Variants in NBEA observed in about 807,000 individuals in gnomAD.
NBEA encodes the protein neurobeachin, also known as lysosomal-trafficking regulator 2.
Under a neutral mutation model 343.4 loss-of-function variants are expected in NBEA, and 44 were observed. The observed-to-expected ratio is 0.13, with a 90% CI of 0.10 to 0.16. The LOEUF (loss-of-function observed/expected upper bound fraction) is 0.16. NBEA is among the 10% of genes least tolerant of loss of function. NBEA has a pLI of 1.00. For missense variants in NBEA, 2,555 were observed against 3,631.3 expected (o/e 0.70, Z 7.62); for synonymous variants, 1,175 against 1,238.7 (o/e 0.95, Z 1.08).
At chr13:35,383,044 G>T (rs1454700966) in intron 38 of NBEA, among the ~76,000 whole-genome samples, 2 of 152,030 alleles carry the variant, frequency 1.3e-5, no homozygotes, top group Non-Finnish European at 2.9e-5. Flanking sequence ...ATTAATACTG[G>T]CCAGATACAC....
At chr13:35,287,923 A>C (rs2035541550) in intron 34 of NBEA, among the ~76,000 whole-genome samples, 2 of 152,048 alleles carry the variant, frequency 1.3e-5, no homozygotes, top group African/African-American at 4.8e-5. Flanking sequence ...GAGTCAGCAT[A>C]TATGTAAGTT....
At chr13:34,976,615 G>A (rs543970395) in intron 1 of NBEA, among the ~76,000 whole-genome samples, 9 of 151,108 alleles carry the variant, frequency 6.0e-5, no homozygotes, top group African/African-American at 2.2e-4. Flanking sequence ...GACTTTCTAA[G>A]GATTGGATAG....
chr13:34,991,342 C>T (rs1378164329), intron 1 of NBEA, among the ~76,000 whole-genome samples: 1 of 152,128 alleles, frequency 6.6e-6, no homozygotes. Context: ...TGATTCAGTT[C>T]CACAGACTGT....
At chr13:35,414,451 A>G (rs1353769429) in intron 38 of NBEA, among the ~76,000 whole-genome samples, 1 of 151,936 alleles carries the variant, frequency 6.6e-6, no homozygotes, top group Non-Finnish European at 1.5e-5. Flanking sequence ...TCATTGTTTA[A>G]TTCCCACCTA....
intron 41 of NBEA, among the ~76,000 whole-genome samples, chr13:35,489,226 T>C (rs1299449434): frequency 3.3e-5 from 5 of 151,836 alleles, no homozygotes; most frequent in Non-Finnish European, 4.4e-5. Flanking sequence ...TCCAGTGCGT[T>C]TACAACAGAA....
intron 34 of NBEA, among the ~76,000 whole-genome samples, chr13:35,241,399 T>C (rs574365989): frequency 6.6e-6 from 1 of 151,936 alleles, no homozygotes; most frequent in South Asian, 2.1e-4. Flanking sequence ...AGTGGATCTC[T>C]TCCTCCCTGA....
chr13:35,001,366 C>T (rs986418832), intron 1 of NBEA, among the ~76,000 whole-genome samples: 12 of 152,092 alleles, frequency 7.9e-5, no homozygotes, highest in African/African-American at 2.9e-4. Flanking sequence ...GAGATACTTG[C>T]ACTCCCATGT....
intron 17 of NBEA, among the ~76,000 whole-genome samples, chr13:35,132,972 G>C (rs1309377274): frequency 6.6e-6 from 1 of 152,070 alleles, no homozygotes; most frequent in South Asian, 2.1e-4. Context: ...GATTAAGGAA[G>C]GATTTCTAAA....
At chr13:35,231,172 C>T (rs1386236274) in intron 33 of NBEA, among the ~76,000 whole-genome samples, 7 of 151,996 alleles carry the variant, frequency 4.6e-5, no homozygotes, top group Non-Finnish European at 8.8e-5. Context: ...GCTGTTGACA[C>T]GGGTAAGAGG....
In NBEA at chr13:35,614,136, T is replaced by C. The variant is rs186096236; in HGVS notation, c.7449+7558T>C. ...CATTTTCTCATATGTCCATTGGCCATTTGTATGTCTTCTTTTGAGAAATAT... is the reference window on the plus strand; with the variant it reads ...CATTTTCTCATATGTCCATTGGCCACTTGTATGTCTTCTTTTGAGAAATAT... On this transcript the variant is annotated intron_variant, in intron 48 of 58. Transcript: ENST00000379939. 3.3e-5 allele frequency among the ~76,000 whole-genome samples: 5 copies of C among 152,320 alleles called. No homozygotes were observed. In the East Asian group the frequency reaches 7.7e-4, roughly 23 times the overall value.
chr13:35,405,695 A>C (rs542214477), intron 38 of NBEA, among the ~76,000 whole-genome samples: 62 of 152,286 alleles, frequency 4.1e-4, no homozygotes, highest in Non-Finnish European at 7.5e-4. Flanking sequence ...TCCTCAAAGT[A>C]AGTCCTTTTC....
intron 38 of NBEA, among the ~76,000 whole-genome samples, chr13:35,352,946 A>G (rs1044887476): frequency 6.6e-6 from 1 of 152,150 alleles, no homozygotes; most frequent in Admixed American, 6.6e-5. Context: ...TATCTATACA[A>G]TGAAGTTTTC....
At position 35,335,736 on chromosome 13, in the gene NBEA, C is replaced by CTTAGGTAAAAGATAAGAGT. The variant is rs1358349883; in HGVS notation, c.5904-13366_5904-13348dup. Reference sequence around the variant, plus strand: ...TTAACATCCTAGGAGATGTTACTGCCTTAGGTAAAAGATAAGAGTTTAGGC... The same window carrying CTTAGGTAAAAGATAAGAGT: ...TTAACATCCTAGGAGATGTTACTGCCTTAGGTAAAAGATAAGAGTTTAGGTAAAAGATAAGAGTTTAGGC... On this transcript the variant is annotated intron_variant, in intron 36 of 58. Coordinates refer to ENST00000379939, the MANE Select transcript of NBEA (RefSeq NM_001385012.1). Among the ~76,000 whole-genome samples the CTTAGGTAAAAGATAAGAGT allele has an allele frequency of 3.9e-4, 59 of 151,924 alleles. 1 individual carries two copies. Among genetic ancestry groups the CTTAGGTAAAAGATAAGAGT allele is most frequent in the African/African-American group, 1.4e-3 (56 of 41,432 alleles).
chr13:35,072,026 T>A (rs1163531819), intron 10 of NBEA, among the ~76,000 whole-genome samples: 2 of 152,140 alleles, frequency 1.3e-5, no homozygotes, highest in African/African-American at 4.8e-5. Flanking sequence ...ACTATTTTGC[T>A]TGTGAGATCT....
chr13:35,522,134 T>C (rs1285587064), intron 41 of NBEA, among the ~76,000 whole-genome samples: 2 of 151,992 alleles, frequency 1.3e-5, no homozygotes, highest in Non-Finnish European at 2.9e-5. Context: ...TGGATGCTGA[T>C]ACTCAGCAGC....
intron 1 of NBEA, among the ~76,000 whole-genome samples, chr13:35,021,595 T>C (rs1287583317): frequency 6.6e-6 from 1 of 152,104 alleles, no homozygotes. Flanking sequence ...GACTTAATTT[T>C]ACACATACTC....
chr13:35,157,162 T>C lies in NBEA; in HGVS notation c.2736T>C (p.Ile912=). 6.2e-7 allele frequency: 1 copy of C among 1,610,394 alleles called. No homozygotes were observed. Among genetic ancestry groups the C allele is most frequent in the Non-Finnish European group, 8.5e-7 (1 of 1,177,904 alleles). Residue 912 remains isoleucine, a synonymous_variant, in exon 21 of 59, where the codon ATT becomes ATC. Transcript: ENST00000379939. ...INPKNSEEQK[I]TEMVYNIFRI... Reference sequence around the variant, plus strand: ...CTAAAAATTCTGAGGAACAGAAGATTACCGAAATGGTCTACAATATCTTCC... The same window carrying C: ...CTAAAAATTCTGAGGAACAGAAGATCACCGAAATGGTCTACAATATCTTCC...
intron 55 of NBEA, among the ~76,000 whole-genome samples, chr13:35,663,233 A>AT (rs2085186207): frequency 6.6e-6 from 1 of 152,150 alleles, no homozygotes; most frequent in Admixed American, 6.5e-5. Context: ...AACTTTATCT[A>AT]TCTAACTGTA....
intron 38 of NBEA, among the ~76,000 whole-genome samples, chr13:35,368,001 T>A (rs920143769): frequency 2.0e-5 from 3 of 151,530 alleles, no homozygotes; most frequent in African/African-American, 7.2e-5. Flanking sequence ...TCACCTTTCA[T>A]TAAATTTGAT....
Sources: allele counts gnomAD v4.1 joint callset (sites outside exome capture counted in the v4.1 genomes callset), GRCh38; gene constraint gnomAD v4.1.1; transcripts MANE v1.5; gene names NCBI Gene and HGNC (gene_info 2026-07-23, HGNC 2026-07-21).